Variants in ARID1B observed in about 807,000 individuals in gnomAD.
ARID1B encodes the protein AT-rich interactive domain-containing protein 1B.
ARID1B carries 30 observed loss-of-function variants against 212.3 expected under a neutral mutation model. The ratio of observed to expected loss-of-function variants is 0.14; its 90% CI spans 0.11 to 0.19. The LOEUF is 0.19. Ranked by LOEUF, ARID1B falls within the 10% of genes least tolerant of loss-of-function variation. ARID1B has a pLI of 1.00. For missense variants in ARID1B, 2,891 were observed against 3,204.0 expected (o/e 0.90, Z 2.36); for synonymous variants, 1,402 against 1,301.7 (o/e 1.08, Z -1.66).
intron 3 of ARID1B, among the ~76,000 whole-genome samples, chr6:156,929,727 C>T (rs1791542014): frequency 6.6e-6 from 1 of 152,108 alleles, no homozygotes; most frequent in Non-Finnish European, 1.5e-5. Context: ...ATCCAGACAC[C>T]ATGGAGGCTC....
At chr6:156,919,785 C>T (rs994892159) in intron 3 of ARID1B, among the ~76,000 whole-genome samples, 2 of 152,156 alleles carry the variant, frequency 1.3e-5, no homozygotes, top group African/African-American at 4.8e-5. Context: ...GAGCTCTGAT[C>T]GCACCACTGC....
chr6:157,132,971 G>C, intron 6 of ARID1B, 57 bp from the exon 7 acceptor site: 1 of 1,520,200 alleles, frequency 6.6e-7, no homozygotes, highest in Admixed American at 2.0e-5. Context: ...CCATTTTTAT[G>C]TATGCAGAGA....
chr6:156,923,524 A>G (rs1320401950), intron 3 of ARID1B, among the ~76,000 whole-genome samples: 1 of 152,096 alleles, frequency 6.6e-6, no homozygotes, highest in South Asian at 2.1e-4. Flanking sequence ...AATTTTCTTC[A>G]TAAGTAAAAT....
At chr6:156,813,685 T>C (rs1212284157) in intron 1 of ARID1B, among the ~76,000 whole-genome samples, 1 of 152,216 alleles carries the variant, frequency 6.6e-6, no homozygotes, top group Non-Finnish European at 1.5e-5. Context: ...TTTGAATTTG[T>C]CGAACCCTGT....
At chr6:156,845,224 TCTC>T (rs772749206) in intron 2 of ARID1B, among the ~76,000 whole-genome samples, 51 of 152,198 alleles carry the variant, frequency 3.4e-4, no homozygotes, top group Non-Finnish European at 6.9e-4. Context: ...GCAGTGGTGA[TCTC>T]CTGGTCAGAG....
chr6:156,778,434 G>C lies in ARID1B; in HGVS notation c.754G>C (p.Gly252Arg), dbSNP rs1269347919. ...AGGCGCCAAGGACAGTGCTGCGGGC[G>C]GCCAGGCCGACCCCCCGGGCCCGCC... is the stretch of plus-strand genomic sequence containing the variant. ...HGGAKDSAAG[G>R]QADPPGPPLL... The change falls in exon 1 of 20, where the codon GGC (glycine) becomes CGC (arginine). Residue 252 changes from glycine to arginine, a missense_variant. Coordinates refer to ENST00000636930, the MANE Select transcript of ARID1B (RefSeq NM_001374828.1). 3 of 1,467,530 alleles carry C rather than the reference G, an allele frequency of 2.0e-6. No individual in the cohort carries two copies. The highest frequency in any genetic ancestry group is 2.7e-6 in the Non-Finnish European group (3 of 1,114,608). 90.9% of individuals were successfully genotyped at this position (1,467,530 alleles called of 1,614,324 possible).
intron 9 of ARID1B, among the ~76,000 whole-genome samples, chr6:157,172,070 C>T (rs993409129): frequency 1.8e-4 from 27 of 152,204 alleles, no homozygotes; most frequent in Non-Finnish European, 3.1e-4. Flanking sequence ...CCTTTGAACC[C>T]GCTCTGAATC....
At chr6:156,856,399 A>G (rs1255176558) in intron 2 of ARID1B, among the ~76,000 whole-genome samples, 1 of 152,100 alleles carries the variant, frequency 6.6e-6, no homozygotes, top group African/African-American at 2.4e-5. Flanking sequence ...ATGTACATTA[A>G]CTCATCAACT....
intron 4 of ARID1B, among the ~76,000 whole-genome samples, chr6:157,014,443 C>G (rs1779789223): frequency 6.6e-6 from 1 of 152,112 alleles, no homozygotes; most frequent in South Asian, 2.1e-4. Flanking sequence ...GTTAGGAAAT[C>G]AGCTATCATA....
chr6:157,111,354 T>C (rs1334641987), intron 6 of ARID1B: 2 of 152,356 alleles, frequency 1.3e-5, no homozygotes, highest in East Asian at 3.8e-4. Context: ...TTAATCCAGA[T>C]TGGTGTATTC....
chr6:156,806,980 A>C (rs1391595287), intron 1 of ARID1B, among the ~76,000 whole-genome samples: 1 of 152,164 alleles, frequency 6.6e-6, no homozygotes, highest in Admixed American at 6.5e-5. Context: ...TATTCTTTTG[A>C]TTTCTTTCCC....
intron 1 of ARID1B, among the ~76,000 whole-genome samples, chr6:156,798,023 TG>T (rs534335723): frequency 1.0e-3 from 152 of 152,332 alleles, no homozygotes; most frequent in South Asian, 2.7e-3. Context: ...ATTTCGTCAC[TG>T]GTGACCTTCA....
chr6:157,132,569 C>G (rs768967235), intron 6 of ARID1B, among the ~76,000 whole-genome samples: 24 of 152,274 alleles, frequency 1.6e-4, no homozygotes, highest in South Asian at 6.2e-4. Context: ...AGCTGGTACC[C>G]TGGGTCTGAC....
intron 3 of ARID1B, among the ~76,000 whole-genome samples, chr6:156,929,984 A>G (rs1327126434): frequency 6.6e-6 from 1 of 151,122 alleles, no homozygotes; most frequent in Non-Finnish European, 1.5e-5. Flanking sequence ...ACTTTTTATG[A>G]TGTAGTTTGA....
intron 4 of ARID1B, among the ~76,000 whole-genome samples, chr6:156,957,778 C>T (rs1197690915): frequency 2.6e-5 from 4 of 152,162 alleles, no homozygotes; most frequent in Admixed American, 2.0e-4. Context: ...ATGACTCTCA[C>T]TTTTTAAGGC....
At chr6:156,795,857 A>C (rs950044026) in intron 1 of ARID1B, among the ~76,000 whole-genome samples, 1 of 152,088 alleles carries the variant, frequency 6.6e-6, no homozygotes, top group Non-Finnish European at 1.5e-5. Flanking sequence ...TTGCCAATAA[A>C]ACTACATCTC....
At chr6:157,165,317 C>G (rs749104421) in intron 8 of ARID1B, among the ~76,000 whole-genome samples, 1 of 152,114 alleles carries the variant, frequency 6.6e-6, no homozygotes, top group Non-Finnish European at 1.5e-5. Context: ...AAAGTAATGC[C>G]CATTTCTCCC....
intron 5 of ARID1B, among the ~76,000 whole-genome samples, chr6:157,102,250 T>C (rs892115632): frequency 6.6e-6 from 1 of 152,198 alleles, no homozygotes; most frequent in African/African-American, 2.4e-5. Flanking sequence ...ACAAAAGTAG[T>C]AGAGTATAAT....
intron 4 of ARID1B, among the ~76,000 whole-genome samples, chr6:156,987,191 GAGAGAGA>G (rs1777975277): frequency 7.6e-6 from 1 of 131,826 alleles, no homozygotes; most frequent in Non-Finnish European, 1.7e-5. Context: ...GAGAGAGAGA[GAGAGAGA>G]CCCTGTCTCA....
Sources: allele counts gnomAD v4.1 joint callset (sites outside exome capture counted in the v4.1 genomes callset), GRCh38; gene constraint gnomAD v4.1.1; transcripts MANE v1.5; gene names NCBI Gene and HGNC (gene_info 2026-07-23, HGNC 2026-07-21).